MTMR7: variants seen among roughly 807,000 people sequenced by gnomAD.
The protein encoded by MTMR7 is phosphatidylinositol-3-phosphate phosphatase MTMR7.
Under a neutral mutation model 81.2 loss-of-function variants are expected in MTMR7, and 76 were observed. That is an observed-to-expected ratio of 0.94 (90% CI 0.78 to 1.13). MTMR7 has a LOEUF of 1.13. Among genes scored for constraint, MTMR7 ranks in the 50% most tolerant of loss-of-function variants. MTMR7 has a pLI of 0.00. For synonymous variants in MTMR7, 372 were observed against 289.8 expected, an observed-to-expected ratio of 1.28 and a Z score of -2.88; for missense variants, 1,044 against 820.0, an observed-to-expected ratio of 1.27 and a Z score of -3.34.
At chr8:17,356,695 C>G (rs1301577942) in intron 4 of MTMR7, among the ~76,000 whole-genome samples, 1 of 146,094 alleles carries the variant, frequency 6.8e-6, no homozygotes, top group Non-Finnish European at 1.5e-5. Context: ...GCTTGGGCAA[C>G]AGAGTGAGGC....
At chr8:17,396,305 T>G (rs1372052843) in intron 1 of MTMR7, among the ~76,000 whole-genome samples, 1 of 152,188 alleles carries the variant, frequency 6.6e-6, no homozygotes, top group Non-Finnish European at 1.5e-5. Context: ...AACTTTGTAT[T>G]GCTGAAAGAG....
chr8:17,356,005 A>G (rs1336310443), intron 4 of MTMR7, among the ~76,000 whole-genome samples: 1 of 152,238 alleles, frequency 6.6e-6, no homozygotes, highest in Admixed American at 6.5e-5. Context: ...CAACAATGCT[A>G]AACTGCATCC....
chr8:17,375,891 A>G (rs1281100075), intron 1 of MTMR7, among the ~76,000 whole-genome samples: 2 of 152,162 alleles, frequency 1.3e-5, no homozygotes, highest in Non-Finnish European at 2.9e-5. Context: ...CCTTTGTTGA[A>G]TGACAGCTCT....
At chr8:17,325,617 T>A (rs557252024) in intron 7 of MTMR7, among the ~76,000 whole-genome samples, 1 of 152,316 alleles carries the variant, frequency 6.6e-6, no homozygotes, top group Non-Finnish European at 1.5e-5. Flanking sequence ...TGCTCTGGGC[T>A]CACTTCCCCT....
intron 6 of MTMR7, among the ~76,000 whole-genome samples, chr8:17,336,179 G>A (rs944627906): frequency 3.3e-5 from 5 of 151,994 alleles, no homozygotes; most frequent in East Asian, 1.9e-4. Context: ...AAGGAGATGC[G>A]CCTTGGCTTG....
chr8:17,351,962 A>G (rs779156281), intron 4 of MTMR7, among the ~76,000 whole-genome samples: 3 of 152,232 alleles, frequency 2.0e-5, no homozygotes, highest in Non-Finnish European at 4.4e-5. Flanking sequence ...AGACACAAGT[A>G]AATGGTAAGA....
rs180786538 is a variant in MTMR7, at chr8:17,383,992, T to C, written c.25-10752A>G. On this transcript the variant is annotated intron_variant, in intron 1 of 13. Transcript: ENST00000180173. ...TTTATGACAGGTGTCACTGTCTGTATAATGGTTGCTAAAAAAAGATGTTTC... is the reference window on the plus strand; with the variant it reads ...TTTATGACAGGTGTCACTGTCTGTACAATGGTTGCTAAAAAAAGATGTTTC... Among the ~76,000 whole-genome samples the C allele has an allele frequency of 9.4e-4, 143 of 152,336 alleles. 1 individual carries two copies. Among genetic ancestry groups the C allele is most frequent in the Middle Eastern group, 3.4e-3 (1 of 294 alleles).
intron 8 of MTMR7, chr8:17,311,880 A>G (rs1020640768): frequency 6.0e-6 from 3 of 502,824 alleles, no homozygotes; most frequent in African/African-American, 1.9e-5. Flanking sequence ...CAATAAGCGC[A>G]TGTACTTACT....
chr8:17,380,794 T>C (rs1198119635), intron 1 of MTMR7, among the ~76,000 whole-genome samples: 1 of 152,216 alleles, frequency 6.6e-6, no homozygotes, highest in African/African-American at 2.4e-5. Flanking sequence ...GCATAGACAG[T>C]TAATAATTAT....
At position 17,303,849 on chromosome 8, in the gene MTMR7, A is replaced by AT. The variant is rs1464507965; in HGVS notation, c.1493+529dup. ...TGTCTTGAACTCCTGACCTAGGGTGATCCACCCGCCTCGGCTAATACATAC... is the reference window on the plus strand; with the variant it reads ...TGTCTTGAACTCCTGACCTAGGGTGATTCCACCCGCCTCGGCTAATACATAC... On this transcript the variant is annotated intron_variant, in intron 12 of 13. Transcript: ENST00000180173. 2.0e-5 allele frequency among the ~76,000 whole-genome samples: 3 copies of AT among 152,272 alleles called. No individual in the cohort carries two copies. The South Asian group carries it at 6.2e-4, about 32-fold the overall frequency.
intron 1 of MTMR7, among the ~76,000 whole-genome samples, chr8:17,401,865 T>C (rs73551377): frequency 0.036 from 5,417 of 152,172 alleles, 311 homozygotes; most frequent in African/African-American, 0.12. Flanking sequence ...GATATACAAA[T>C]TATTTTAATA....
At chr8:17,356,214 T>C (rs777537556) in intron 4 of MTMR7, among the ~76,000 whole-genome samples, 2 of 152,200 alleles carry the variant, frequency 1.3e-5, no homozygotes, top group Non-Finnish European at 2.9e-5. Flanking sequence ...TAGCAATTTT[T>C]ATCAGTACAT....
chr8:17,393,662 C>T (rs1392985091), intron 1 of MTMR7, among the ~76,000 whole-genome samples: 1 of 151,598 alleles, frequency 6.6e-6, no homozygotes, highest in Non-Finnish European at 1.5e-5. Context: ...AACACGTGGA[C>T]ACATCATGGG....
intron 5 of MTMR7, among the ~76,000 whole-genome samples, chr8:17,342,132 C>T (rs189920490): frequency 1.7e-3 from 252 of 152,224 alleles, no homozygotes; most frequent in African/African-American, 3.3e-3. Context: ...CCCCAAGTCC[C>T]GTACCCTGCA....
intron 4 of MTMR7, among the ~76,000 whole-genome samples, chr8:17,355,594 A>G (rs1303200204): frequency 2.6e-5 from 4 of 152,306 alleles, no homozygotes; most frequent in African/African-American, 9.6e-5. Flanking sequence ...ACAGTATGCT[A>G]AAAGACAAAA....
chr8:17,338,976 G>C (rs1222852042), intron 6 of MTMR7: 1 of 152,080 alleles, frequency 6.6e-6, no homozygotes, highest in Non-Finnish European at 1.5e-5. Context: ...GGGACGAGTA[G>C]GGCACTGATC....
intron 5 of MTMR7, among the ~76,000 whole-genome samples, chr8:17,346,743 G>A (rs1278896432): frequency 6.6e-6 from 1 of 150,968 alleles, no homozygotes; most frequent in Non-Finnish European, 1.5e-5. Flanking sequence ...AACAATAAAA[G>A]ATCGTTTCTC....
chr8:17,305,737 A>G lies in MTMR7; in HGVS notation c.1352+20T>C. ...AATCTTTAAATAAAAGTTAAACACC[A>G]AAAACACCAAAACACTTACTTGAGT... On this transcript the variant is annotated intron_variant, in intron 11 of 13. Transcript: ENST00000180173. The G allele has an allele frequency of 6.3e-7, 1 of 1,579,422 alleles. No homozygotes were observed. Among genetic ancestry groups the G allele is most frequent in the Non-Finnish European group, 8.7e-7 (1 of 1,156,020 alleles).
In MTMR7 at chr8:17,395,878, A is replaced by ATC. The variant is rs371505167; in HGVS notation, c.24+17389_24+17390dup. ...TAGAAACCAGAAAAAGCAAAGCAGAATCTTTCACATTACAAAGGAGCCATC... is the reference window on the plus strand; with the variant it reads ...TAGAAACCAGAAAAAGCAAAGCAGAATCTCTTTCACATTACAAAGGAGCCATC... On this transcript the variant is annotated intron_variant, in intron 1 of 13. Coordinates refer to ENST00000180173, the MANE Select transcript of MTMR7 (RefSeq NM_004686.5). Among the ~76,000 whole-genome samples the ATC allele has an allele frequency of 5.3e-3, 802 of 152,312 alleles. 7 individuals are homozygous for ATC. The highest frequency in any genetic ancestry group is 0.018 in the African/African-American group (764 of 41,574).
Sources: allele counts gnomAD v4.1 joint callset (sites outside exome capture counted in the v4.1 genomes callset), GRCh38; gene constraint gnomAD v4.1.1; transcripts MANE v1.5; gene names NCBI Gene and HGNC (gene_info 2026-07-23, HGNC 2026-07-21).